Variants in GNG2 observed in about 807,000 individuals in gnomAD.
GNG2 encodes guanine nucleotide-binding protein G(I)/G(S)/G(O) subunit gamma-2.
A neutral mutation model predicts 5.5 loss-of-function variants in GNG2; 5 were observed. The observed-to-expected ratio is 0.91, with a 90% CI of 0.48 to 1.92. GNG2 has a LOEUF of 1.92. GNG2 is among the 30% of genes most tolerant of loss of function. The pLI is 0.01. For missense variants in GNG2, 55 were observed against 88.4 expected (o/e 0.62, Z 1.52); for synonymous variants, 28 against 32.0 (o/e 0.88, Z 0.42).
chr14:51,837,010 A>C (rs1881350388), intron 2 of GNG2, among the ~76,000 whole-genome samples: 1 of 151,890 alleles, frequency 6.6e-6, no homozygotes, highest in South Asian at 2.1e-4. Flanking sequence ...GGCACCTGCC[A>C]CCACACCTGG....
intron 2 of GNG2, among the ~76,000 whole-genome samples, chr14:51,893,639 T>C (rs1345571352): frequency 6.6e-6 from 1 of 152,116 alleles, no homozygotes; most frequent in Non-Finnish European, 1.5e-5. Context: ...TTTATAGTTT[T>C]TTGGCTTCTT....
intron 3 of GNG2, among the ~76,000 whole-genome samples, chr14:51,960,344 A>G (rs1463479590): frequency 1.3e-5 from 2 of 151,700 alleles, no homozygotes; most frequent in African/African-American, 2.4e-5. Context: ...GTGCCTTTTT[A>G]TATCTTCCAT....
chr14:51,954,450 G>A (rs1594957121), intron 3 of GNG2, among the ~76,000 whole-genome samples: 1 of 152,118 alleles, frequency 6.6e-6, no homozygotes, highest in African/African-American at 2.4e-5. Flanking sequence ...ACAAGAGGAG[G>A]GAACATGCAC....
intron 2 of GNG2, among the ~76,000 whole-genome samples, chr14:51,924,343 C>A (rs1887190373): frequency 6.6e-6 from 1 of 152,150 alleles, no homozygotes; most frequent in Non-Finnish European, 1.5e-5. Context: ...TCATCACTAC[C>A]AATCATTTTA....
chr14:51,923,655 A>G (rs1166445432), intron 2 of GNG2, among the ~76,000 whole-genome samples: 1 of 152,184 alleles, frequency 6.6e-6, no homozygotes, highest in African/African-American at 2.4e-5. Context: ...ATTTCATGCT[A>G]TCTTAGCACT....
chr14:51,888,668 C>T (rs913622458), intron 2 of GNG2, among the ~76,000 whole-genome samples: 1 of 152,100 alleles, frequency 6.6e-6, no homozygotes, highest in Non-Finnish European at 1.5e-5. Flanking sequence ...CTGACGTCTC[C>T]ATTAACATCC....
intron 1 of GNG2, among the ~76,000 whole-genome samples, chr14:51,876,880 G>T (rs1374409808): frequency 6.6e-6 from 1 of 152,134 alleles, no homozygotes; most frequent in East Asian, 1.9e-4. Context: ...TGCAAAATAG[G>T]AATGGGAAAG....
chr14:51,864,957 G>A (rs959571003), intron 1 of GNG2, among the ~76,000 whole-genome samples: 7 of 152,020 alleles, frequency 4.6e-5, no homozygotes, highest in African/African-American at 1.5e-4. Flanking sequence ...CCTTTTCCAC[G>A]ACAGATTTTA....
chr14:51,890,818 G>T (rs1884794568), intron 2 of GNG2, among the ~76,000 whole-genome samples: 1 of 152,042 alleles, frequency 6.6e-6, no homozygotes, highest in Admixed American at 6.5e-5. Context: ...TTCTTAGTTG[G>T]AATGGCCCCC....
At chr14:51,836,900 C>T (rs1195335502) in intron 2 of GNG2, among the ~76,000 whole-genome samples, 1 of 147,994 alleles carries the variant, frequency 6.8e-6, no homozygotes, top group African/African-American at 2.5e-5. Flanking sequence ...CTCTGTTGCC[C>T]AGGCCAGAGT....
intron 2 of GNG2, among the ~76,000 whole-genome samples, chr14:51,828,629 G>A (rs1881097525): frequency 6.6e-6 from 1 of 152,140 alleles, no homozygotes. Flanking sequence ...ATTCTACCCA[G>A]GTATGAAGTA....
At position 51,954,658 on chromosome 14, in the gene GNG2, T is replaced by G. The variant is rs150940570; in HGVS notation, c.87+3893T>G. Among the ~76,000 whole-genome samples the G allele has an allele frequency of 2.3e-4, 35 of 152,258 alleles. 1 individual carries two copies. The highest frequency in any genetic ancestry group is 7.9e-4 in the African/African-American group (33 of 41,548). On this transcript the variant is annotated intron_variant, in intron 3 of 3. Coordinates refer to ENST00000556766, the MANE Select transcript of GNG2 (RefSeq NM_053064.5). ...AGTGGAAGTGAGAACTGGAAGGCCA[T>G]TGAGAACTGCGAGTGCTCCGTCACC...
intron 1 of GNG2, among the ~76,000 whole-genome samples, chr14:51,865,574 A>G (rs1416002708): frequency 6.6e-6 from 1 of 152,204 alleles, no homozygotes; most frequent in Non-Finnish European, 1.5e-5. Flanking sequence ...ATAATAAAAT[A>G]GGCCTGGAAT....
intron 3 of GNG2, chr14:51,951,917 G>T (rs1888998932): frequency 2.8e-6 from 2 of 702,032 alleles, no homozygotes; most frequent in East Asian, 5.4e-5. Flanking sequence ...CTACAGCGAT[G>T]GTTCTCAGCT....
At chr14:51,865,202 T>C (rs1882794295) in intron 1 of GNG2, among the ~76,000 whole-genome samples, 1 of 152,134 alleles carries the variant, frequency 6.6e-6, no homozygotes, top group Non-Finnish European at 1.5e-5. Context: ...TAATGACCCC[T>C]AATTTTATTT....
chr14:51,839,162 G>A (rs1347105636), intron 2 of GNG2, among the ~76,000 whole-genome samples: 1 of 152,174 alleles, frequency 6.6e-6, no homozygotes, highest in African/African-American at 2.4e-5. Flanking sequence ...GACACAGCCT[G>A]AGAAGGCCCT....
At chr14:51,852,854 A>G (rs539090270) in intron 2 of GNG2, among the ~76,000 whole-genome samples, 11 of 152,390 alleles carry the variant, frequency 7.2e-5, no homozygotes, top group African/African-American at 2.6e-4. Context: ...AGAGCAATCA[A>G]TTGACAACGC....
intron 1 of GNG2, among the ~76,000 whole-genome samples, chr14:51,877,370 G>T (rs1284790815): frequency 6.6e-6 from 1 of 152,118 alleles, no homozygotes; most frequent in Non-Finnish European, 1.5e-5. Context: ...TTTCTTGCAT[G>T]CTAGGAGATT....
At chr14:51,850,646 T>C (rs1881863282) in intron 2 of GNG2, among the ~76,000 whole-genome samples, 1 of 151,986 alleles carries the variant, frequency 6.6e-6, no homozygotes, top group Non-Finnish European at 1.5e-5. Flanking sequence ...AGAAAAGAGG[T>C]TTAATTGGCT....
Sources: allele counts gnomAD v4.1 joint callset (sites outside exome capture counted in the v4.1 genomes callset), GRCh38; gene constraint gnomAD v4.1.1; transcripts MANE v1.5; gene names NCBI Gene and HGNC (gene_info 2026-07-23, HGNC 2026-07-21).